NSD1: variants seen among roughly 807,000 people sequenced by gnomAD.
The protein encoded by NSD1 is nuclear receptor binding SET domain protein 1, also known as histone-lysine N-methyltransferase, H3 lysine-36 specific.
In NSD1, 26 loss-of-function variants were observed where a neutral mutation model predicts 242.7. The observed-to-expected ratio is 0.11, with a 90% confidence interval of 0.08 to 0.15. The LOEUF is 0.15. Ranked by LOEUF, NSD1 falls within the 10% of genes least tolerant of loss-of-function variation. The probability of loss-of-function intolerance (pLI) is 1.00; values close to 1 mark genes in which losing one functional copy is unlikely to be tolerated. For missense variants in NSD1, 2,495 were observed against 3,272.8 expected, an observed-to-expected ratio of 0.76 and a Z score of 5.80; for synonymous variants, 1,106 against 1,178.1, an observed-to-expected ratio of 0.94 and a Z score of 1.25.
chr5:177,276,029 C>T (rs1216502725), intron 17 of NSD1, among the ~76,000 whole-genome samples: 1 of 152,082 alleles, frequency 6.6e-6, no homozygotes, highest in African/African-American at 2.4e-5. Flanking sequence ...GCAAGTGATT[C>T]TCCTGCCTCC....
In NSD1 at chr5:177,267,656, C is replaced by A; in HGVS notation, c.5241C>A (p.Asp1747Glu). The A allele has an allele frequency of 6.2e-7, 1 of 1,614,022 alleles. No individual in the cohort carries two copies. Among genetic ancestry groups the A allele is most frequent in the South Asian group, 1.1e-5 (1 of 91,078 alleles). Residue 1747 changes from aspartate to glutamate, a missense_variant, in exon 15 of 23, where the codon GAC becomes GAA. Physicochemically the swap from Asp to Glu is conservative, Grantham distance 45 (BLOSUM62 2). Transcript: ENST00000439151. ...CTGAAGGAAACTGGTATTGCAATGA[C>A]TGTAAAGCAGGCAAAAAGCCACACT... ...DIPEGNWYCNDCKAGKKPHYR... is the reference protein window; with the variant it reads ...DIPEGNWYCNECKAGKKPHYR...
intron 11 of NSD1, among the ~76,000 whole-genome samples, chr5:177,250,884 G>C (rs1257109221): frequency 6.6e-6 from 1 of 152,094 alleles, no homozygotes; most frequent in Non-Finnish European, 1.5e-5. Context: ...GCTTTTCATA[G>C]TAGTACAAGG....
chr5:177,221,495 G>A lies in NSD1; in HGVS notation c.3796+9300G>A, dbSNP rs145959242. On this transcript the variant is annotated intron_variant, in intron 5 of 22. Transcript: ENST00000439151. ...TTTCCCCCCAATTTTTTTTCAAGGC[G>A]GAGTCTTGCTCTGTTGCCCAGGCTG... is the stretch of plus-strand genomic sequence containing the variant. Among the ~76,000 whole-genome samples, 670 of 151,434 alleles carry A rather than the reference G, an allele frequency of 4.4e-3. 4 individuals are homozygous for A. The highest frequency in any genetic ancestry group is 0.014 in the African/African-American group (593 of 41,270).
intron 2 of NSD1, among the ~76,000 whole-genome samples, chr5:177,143,031 C>G (rs1756953707): frequency 6.6e-6 from 1 of 152,122 alleles, no homozygotes; most frequent in East Asian, 1.9e-4. Flanking sequence ...CAGTGTATAG[C>G]ATGGTGCCTT....
chr5:177,290,253 A>G (rs1292952032), intron 21 of NSD1, among the ~76,000 whole-genome samples: 1 of 150,112 alleles, frequency 6.7e-6, no homozygotes, highest in Non-Finnish European at 1.5e-5. Flanking sequence ...CATAAGTAAC[A>G]GCACAGTGAA....
intron 6 of NSD1, among the ~76,000 whole-genome samples, chr5:177,236,418 A>G (rs547528279): frequency 6.6e-6 from 1 of 152,334 alleles, no homozygotes; most frequent in East Asian, 1.9e-4. Context: ...CATCTTATAT[A>G]AGATCTGTTT....
chr5:177,186,071 TTA>T (rs1481497762), intron 2 of NSD1, among the ~76,000 whole-genome samples: 2 of 114,874 alleles, frequency 1.7e-5, no homozygotes, highest in African/African-American at 3.4e-5. Context: ...ATAATATATG[TTA>T]TATATAATAT....
intron 2 of NSD1, among the ~76,000 whole-genome samples, chr5:177,182,319 C>G (rs1760758411): frequency 2.6e-5 from 4 of 152,084 alleles, no homozygotes; most frequent in Admixed American, 6.6e-5. Flanking sequence ...GACTCTGTCT[C>G]AGCAAAAACA....
In NSD1 at chr5:177,269,689, C is replaced by A. The variant is rs751072132; in HGVS notation, c.5391C>A (p.Leu1797=). The part of the protein sequence containing the change: ...MRHDVGEFPV[L]FFGSNDYLWT... Reference sequence around the variant, plus strand: ...ATGATGTGGGAGAGTTCCCAGTCCTCTTTTTTGGATCTAATGACTATTTGT... The same window carrying A: ...ATGATGTGGGAGAGTTCCCAGTCCTATTTTTTGGATCTAATGACTATTTGT... The change falls in exon 16 of 23, where the codon CTC becomes CTA. Residue 1797 remains leucine, a synonymous_variant. Transcript: ENST00000439151. The surrounding 1 kb of genome is among the most constrained non-coding windows in gnomAD (Gnocchi z 5.1). 6 of 1,614,094 alleles carry A rather than the reference C, an allele frequency of 3.7e-6. No homozygotes were observed. In the South Asian group the frequency reaches 4.4e-5, roughly 12 times the overall value.
In NSD1 at chr5:177,160,436, G is replaced by A. The variant is rs1562135110; in HGVS notation, c.927+24406G>A. ...CTGTGTCAGCCTCTTGAGTAGCTGG[G>A]GTTACAGGCACGTGCCACGACGCCC... On this transcript the variant is annotated intron_variant, in intron 2 of 22. Coordinates refer to ENST00000439151, the MANE Select transcript of NSD1 (RefSeq NM_022455.5). Among the ~76,000 whole-genome samples the A allele has an allele frequency of 6.6e-5, 10 of 151,716 alleles. No homozygotes were observed. The South Asian group carries it at 2.1e-3, about 32-fold the overall frequency.
intron 2 of NSD1, among the ~76,000 whole-genome samples, chr5:177,144,177 G>A (rs1242213838): frequency 3.3e-5 from 5 of 151,930 alleles, no homozygotes; most frequent in Non-Finnish European, 5.9e-5. Context: ...AGAGTCAAAT[G>A]TATATTTGAA....
Position 177,211,614 on chromosome 5 carries a change from G to A in NSD1, c.3215G>A (p.Arg1072Gln), listed in dbSNP as rs28932180. ...VTLDAVLQGD[R>Q]ERGGSLRGGA... is the part of the protein sequence containing the mutation. ...CTTGATGCTGTACTGCAGGGAGACC[G>A]AGAACGTGGAGGTTCATTGAGAGGT... is the stretch of plus-strand genomic sequence containing the variant. Residue 1072 changes from arginine (R) to glutamine (Q), a missense_variant, in exon 5 of 23, where the codon CGA becomes CAA. This residue lies in a region of NSD1 where 426 missense variants were observed against 411.4 expected (regional missense o/e 1.04). Transcript: ENST00000439151. 2.6e-4 allele frequency: 416 copies of A among 1,614,090 alleles called. No homozygotes were observed. Among genetic ancestry groups the A allele is most frequent in the Admixed American group, 3.7e-4 (22 of 59,994 alleles).
chr5:177,288,975 T>G, intron 21 of NSD1, 50 bp downstream of exon 21: 4 of 1,241,446 alleles, frequency 3.2e-6, no homozygotes, highest in Non-Finnish European at 4.8e-6. Flanking sequence ...CGGTCCTCCC[T>G]CCCTAACAGT....
intron 17 of NSD1, among the ~76,000 whole-genome samples, chr5:177,279,090 C>T (rs184874373): frequency 6.6e-6 from 1 of 152,304 alleles, no homozygotes; most frequent in Admixed American, 6.5e-5. Flanking sequence ...TGTGGTGATA[C>T]CTGCCTGTAG....
chr5:177,222,625 C>A (rs981547157), intron 5 of NSD1, among the ~76,000 whole-genome samples: 2 of 151,974 alleles, frequency 1.3e-5, no homozygotes, highest in African/African-American at 4.8e-5. Flanking sequence ...ACTTTTGGGT[C>A]ATTTATGTAT....
intron 2 of NSD1, 77 bp downstream of exon 2, chr5:177,136,107 A>C (rs2149757365): frequency 1.5e-6 from 2 of 1,368,810 alleles, no homozygotes; most frequent in Non-Finnish European, 2.0e-6. Flanking sequence ...ACTTGTAACA[A>C]ATTTGTTTTT....
At chr5:177,231,586 CAATTTTTTATTTTTA>C (rs1765060422) in intron 5 of NSD1, among the ~76,000 whole-genome samples, 3 of 151,990 alleles carry the variant, frequency 2.0e-5, no homozygotes, top group African/African-American at 4.8e-5. Context: ...CGCCACTACA[CAATTTTTTATTTTTA>C]GTAGAGACGG....
intron 5 of NSD1, 65 bp downstream of exon 5, chr5:177,212,260 C>T: frequency 3.3e-6 from 5 of 1,519,630 alleles, no homozygotes; most frequent in Non-Finnish European, 4.5e-6. Context: ...CATTGTCCTT[C>T]TGAAATTGGT....
At chr5:177,158,983 T>C (rs1179670386) in intron 2 of NSD1, among the ~76,000 whole-genome samples, 1 of 129,660 alleles carries the variant, frequency 7.7e-6, no homozygotes, top group Non-Finnish European at 1.5e-5. Flanking sequence ...TATACACACA[T>C]ATATATGAAT....
Sources: allele counts gnomAD v4.1 joint callset (sites outside exome capture counted in the v4.1 genomes callset), GRCh38; gene constraint gnomAD v4.1.1; regional missense constraint gnomAD v4.1.1; non-coding constraint Gnocchi (gnomAD v3.1); transcripts MANE v1.5; gene names NCBI Gene and HGNC (gene_info 2026-07-23, HGNC 2026-07-21).